CHCHD6: variants seen among roughly 807,000 people sequenced by gnomAD.
The protein encoded by CHCHD6 is MICOS complex subunit MIC25.
In CHCHD6, 28 loss-of-function variants were observed where a neutral mutation model predicts 32.3. The observed-to-expected ratio is 0.87, with a 90% CI of 0.64 to 1.19. The LOEUF is 1.19. Ranked by LOEUF, CHCHD6 falls within the 50% of genes most tolerant of loss-of-function variation. The probability of loss-of-function intolerance (pLI) is 0.00; values close to 1 mark genes in which losing one functional copy is unlikely to be tolerated. For synonymous variants in CHCHD6, 122 were observed against 117.5 expected (o/e 1.04, Z -0.25); for missense variants, 333 against 307.0 (o/e 1.08, Z -0.63).
At chr3:126,820,072 G>A (rs1940084886) in intron 4 of CHCHD6, among the ~76,000 whole-genome samples, 2 of 152,160 alleles carry the variant, frequency 1.3e-5, no homozygotes, top group African/African-American at 4.8e-5. Flanking sequence ...GCCTCTAGAG[G>A]CCATAACTAT....
At chr3:126,950,014 G>A (rs966397672) in intron 6 of CHCHD6, 1 of 153,094 alleles carries the variant, frequency 6.5e-6, no homozygotes, top group African/African-American at 2.4e-5. Flanking sequence ...CAGGGAGGAA[G>A]GGAGGGCTGC....
At chr3:126,929,589 A>T (rs2078373708) in intron 6 of CHCHD6, among the ~76,000 whole-genome samples, 3 of 151,622 alleles carry the variant, frequency 2.0e-5, no homozygotes, top group Admixed American at 2.0e-4. Context: ...TTTTTGAGAC[A>T]GGGTCTCGCT....
At chr3:126,855,567 C>G (rs1367285626) in intron 5 of CHCHD6, among the ~76,000 whole-genome samples, 3 of 152,198 alleles carry the variant, frequency 2.0e-5, no homozygotes, top group Admixed American at 2.0e-4. Context: ...GGATTTTTAT[C>G]ATTAAAGGTG....
intron 4 of CHCHD6, among the ~76,000 whole-genome samples, chr3:126,843,141 A>G (rs1053539786): frequency 1.3e-5 from 2 of 152,088 alleles, no homozygotes; most frequent in Non-Finnish European, 2.9e-5. Flanking sequence ...TGGATGTCAT[A>G]TTTTGTCAAA....
intron 1 of CHCHD6, among the ~76,000 whole-genome samples, chr3:126,726,623 T>C (rs1935547889): frequency 1.3e-5 from 2 of 152,212 alleles, no homozygotes; most frequent in South Asian, 4.1e-4. Flanking sequence ...TGTGCTTCAC[T>C]TGCATGCTGT....
intron 4 of CHCHD6, among the ~76,000 whole-genome samples, chr3:126,849,942 T>C (rs1309183328): frequency 6.6e-6 from 1 of 152,336 alleles, no homozygotes; most frequent in East Asian, 1.9e-4. Context: ...GGAAGCCAAT[T>C]TGAGACTGCG....
intron 5 of CHCHD6, among the ~76,000 whole-genome samples, chr3:126,879,074 T>G (rs2077575110): frequency 6.6e-6 from 1 of 152,252 alleles, no homozygotes; most frequent in African/African-American, 2.4e-5. Context: ...GTGTGGCCTC[T>G]CTAGGCTTCC....
intron 6 of CHCHD6, among the ~76,000 whole-genome samples, chr3:126,918,470 G>C (rs2078201184): frequency 6.6e-6 from 1 of 152,182 alleles, no homozygotes. Context: ...ATAACATTTG[G>C]GGAATGACAA....
At chr3:126,840,067 C>G (rs76164630) in intron 4 of CHCHD6, among the ~76,000 whole-genome samples, 2,775 of 152,276 alleles carry the variant, frequency 0.018, 42 homozygotes, top group Non-Finnish European at 0.028. Flanking sequence ...ACTATGTGGC[C>G]TTTCGTGTCT....
intron 6 of CHCHD6, among the ~76,000 whole-genome samples, chr3:126,917,475 C>T (rs753598517): frequency 3.9e-4 from 59 of 152,368 alleles, no homozygotes; most frequent in Non-Finnish European, 7.2e-4. Flanking sequence ...GACCTCAGCC[C>T]TGCCCCTTAG....
At chr3:126,751,881 G>A (rs1167121338) in intron 4 of CHCHD6, among the ~76,000 whole-genome samples, 1 of 152,210 alleles carries the variant, frequency 6.6e-6, no homozygotes, top group Non-Finnish European at 1.5e-5. Flanking sequence ...CACAGCACAT[G>A]GAATGTGCCT....
At chr3:126,821,536 C>CA (rs146326604) in intron 4 of CHCHD6, among the ~76,000 whole-genome samples, 5,099 of 152,272 alleles carry the variant, frequency 0.033, 287 homozygotes, top group African/African-American at 0.12. Context: ...CCTTGCAATC[C>CA]ACCTGCCTTG....
chr3:126,945,682 CG>C (rs1041410037), intron 6 of CHCHD6, among the ~76,000 whole-genome samples: 1 of 57,270 alleles, frequency 1.7e-5, no homozygotes, highest in Non-Finnish European at 3.3e-5. Flanking sequence ...TTGGGAGATT[CG>C]GGGGAAGACT....
At position 126,898,819 on chromosome 3, in the gene CHCHD6, G is replaced by A. The variant is rs113529729; in HGVS notation, c.496-15861G>A. Among the ~76,000 whole-genome samples, 540 of 152,308 alleles carry A rather than the reference G, an allele frequency of 3.5e-3. 1 individual carries two copies. The highest frequency in any genetic ancestry group is 0.012 in the African/African-American group (505 of 41,562). On this transcript the variant is annotated intron_variant, in intron 5 of 7. Coordinates refer to ENST00000290913, the MANE Select transcript of CHCHD6 (RefSeq NM_032343.3). ...CTCCCAAAGTGCTGGGATTACAGGCGTGAGCCACCACACCTGGCTGTGAAT... is the reference window on the plus strand; with the variant it reads ...CTCCCAAAGTGCTGGGATTACAGGCATGAGCCACCACACCTGGCTGTGAAT...
At chr3:126,780,557 A>T (rs1345287678) in intron 4 of CHCHD6, 1 of 185,042 alleles carries the variant, frequency 5.4e-6, no homozygotes, top group African/African-American at 2.4e-5. Flanking sequence ...ATGGCCCCTT[A>T]TCTTCGCCTG....
intron 1 of CHCHD6, among the ~76,000 whole-genome samples, chr3:126,712,963 C>T (rs982610802): frequency 1.3e-5 from 2 of 152,172 alleles, no homozygotes; most frequent in African/African-American, 4.8e-5. Context: ...GGAAAGCTGG[C>T]GGTCATCCAC....
At chr3:126,829,488 A>G (rs185078767) in intron 4 of CHCHD6, among the ~76,000 whole-genome samples, 3 of 151,918 alleles carry the variant, frequency 2.0e-5, no homozygotes, top group Admixed American at 6.6e-5. Flanking sequence ...TCTAGAATCT[A>G]TCACTTATTT....
At chr3:126,737,404 A>G (rs1212396310) in intron 4 of CHCHD6, among the ~76,000 whole-genome samples, 1 of 142,538 alleles carries the variant, frequency 7.0e-6, no homozygotes, top group African/African-American at 2.7e-5. Flanking sequence ...ATATATATAT[A>G]TATATATATA....
intron 5 of CHCHD6, among the ~76,000 whole-genome samples, chr3:126,903,015 C>T (rs558306073): frequency 7.2e-5 from 11 of 152,224 alleles, no homozygotes; most frequent in Non-Finnish European, 1.3e-4. Flanking sequence ...GAAGGGAGGT[C>T]AGGAGGCATG....
Sources: allele counts gnomAD v4.1 joint callset (sites outside exome capture counted in the v4.1 genomes callset), GRCh38; gene constraint gnomAD v4.1.1; transcripts MANE v1.5; gene names NCBI Gene and HGNC (gene_info 2026-07-23, HGNC 2026-07-21).